NLRP7: variants seen among roughly 807,000 people sequenced by gnomAD.
NLRP7 encodes the protein NACHT, LRR and PYD domains-containing protein 7.
NLRP7 carries 72 observed loss-of-function variants against 85.5 expected under a neutral mutation model. That is an observed-to-expected ratio of 0.84 (90% CI 0.70 to 1.02). The LOEUF (loss-of-function observed/expected upper bound fraction) is 1.02, where lower values mean the gene tolerates loss of function less well. Among genes scored for constraint, NLRP7 ranks in the 50% least tolerant of loss-of-function variants. The probability of loss-of-function intolerance (pLI) is 0.00; values close to 1 mark genes in which losing one functional copy is unlikely to be tolerated. For synonymous variants in NLRP7, 550 were observed against 505.2 expected (o/e 1.09, Z -1.19); for missense variants, 1,243 against 1,219.5 (o/e 1.02, Z -0.29).
chr19:54,928,414 AC>A (rs1396193880), intron 9 of NLRP7, among the ~76,000 whole-genome samples: 1 of 152,154 alleles, frequency 6.6e-6, no homozygotes, highest in East Asian at 1.9e-4. Context: ...AAACAAAAAA[AC>A]AAGCAGCATA....
At chr19:54,948,782 G>A (rs2069577921), upstream of NLRP7, 2 of 152,168 alleles carry the variant, frequency 1.3e-5, no homozygotes, top group African/African-American at 4.8e-5. Flanking sequence ...TATTGGTCAG[G>A]CTGGTCTCAA....
At chr19:54,962,056 A>G (rs1387348538) in intron 1 of NLRP7, among the ~76,000 whole-genome samples, 5 of 149,510 alleles carry the variant, frequency 3.3e-5, no homozygotes, top group Non-Finnish European at 5.9e-5. Flanking sequence ...CCAGCTACAC[A>G]GGAGTCTGAG....
intron 1 of NLRP7, among the ~76,000 whole-genome samples, chr19:54,957,712 T>G (rs1482677544): frequency 6.6e-6 from 1 of 152,138 alleles, no homozygotes; most frequent in Non-Finnish European, 1.5e-5. Context: ...TCCTCCAGTC[T>G]CACATTTTTG....
intron 1 of NLRP7, among the ~76,000 whole-genome samples, chr19:54,943,103 C>G (rs985479607): frequency 6.6e-6 from 1 of 151,328 alleles, no homozygotes; most frequent in East Asian, 2.0e-4. Flanking sequence ...GCTGAGATAG[C>G]GCCATTGTAC....
At chr19:54,923,901 C>G in intron 9 of NLRP7, 29 bp from the exon 11 acceptor site, 1 of 1,578,750 alleles carries the variant, frequency 6.3e-7, no homozygotes, top group Non-Finnish European at 8.6e-7. Flanking sequence ...ACAAATGTTC[C>G]CAGAAATTCA....
At position 54,927,798 on chromosome 19, in the gene NLRP7, T is replaced by C. The variant is rs269933; in HGVS notation, c.2810+2701A>G. ...AGGCTGTTGAGGAAGAACATGGAAA[T>C]CCACGCATTCACTGAGCAGGTAGTG... is the stretch of plus-strand genomic sequence containing the variant. On this transcript the variant is annotated intron_variant, in intron 9 of 9. Coordinates refer to ENST00000340844, the Ensembl canonical transcript of NLRP7. The C allele has an allele frequency of 0.56, 899,860 of 1,605,672 alleles. 254,459 individuals carry two copies. The highest frequency in any genetic ancestry group is 0.72 in the East Asian group (32,200 of 44,822).
intron 5 of NLRP7, among the ~76,000 whole-genome samples, chr19:54,937,366 TG>T (rs2068978469): frequency 6.6e-6 from 1 of 151,766 alleles, no homozygotes; most frequent in Non-Finnish European, 1.5e-5. Flanking sequence ...ACCTACTTTT[TG>T]GTTTGTTTTG....
At chr19:54,938,272 A>C (rs370116820) in intron 4 of NLRP7, 31 bp from the exon 5 acceptor site, 4 of 1,582,640 alleles carry the variant, frequency 2.5e-6, no homozygotes, top group Non-Finnish European at 3.5e-6. Flanking sequence ...ATCTCTTAGG[A>C]CTAGTACCTG....
chr19:54,939,155 G>C, exon 4 of NLRP7: 1 of 1,614,242 alleles, frequency 6.2e-7, no homozygotes, highest in Middle Eastern at 1.6e-4. Context: ...ATGAAGATGT[G>C]CTTTGCATTG....
chr19:54,928,800 C>A (rs1237011804), intron 9 of NLRP7, among the ~76,000 whole-genome samples: 1 of 110,658 alleles, frequency 9.0e-6, no homozygotes, highest in Non-Finnish European at 2.0e-5. Flanking sequence ...ACTGTAGAAG[C>A]CTTTGGTTTT....
chr19:54,950,966 T>C (rs2069649165), upstream of NLRP7, among the ~76,000 whole-genome samples: 1 of 152,334 alleles, frequency 6.6e-6, no homozygotes, highest in South Asian at 2.1e-4. Flanking sequence ...GCAGTGTTTG[T>C]GTCCCTGGGT....
upstream of NLRP7, among the ~76,000 whole-genome samples, chr19:54,950,099 C>CAA (rs1165224711): frequency 7.8e-6 from 1 of 128,838 alleles, no homozygotes; most frequent in Non-Finnish European, 1.7e-5. Context: ...TAGACTGTCT[C>CAA]AAAAAAAAAA....
intron 9 of NLRP7, 38 bp from the exon 11 acceptor site, chr19:54,923,910 C>A (rs2068325170): frequency 6.2e-7 from 1 of 1,608,046 alleles, no homozygotes; most frequent in Admixed American, 1.7e-5. Flanking sequence ...CCCAGAAATT[C>A]ATTCTCAACT....
intron 9 of NLRP7, among the ~76,000 whole-genome samples, chr19:54,927,123 T>C (rs1475867101): frequency 1.4e-5 from 2 of 148,118 alleles, no homozygotes; most frequent in African/African-American, 5.0e-5. Context: ...GTGCAATGGC[T>C]CACCTCTGTA....
Position 54,964,694 on chromosome 19 carries a change from C to T in NLRP7, c.-77+1346G>A, listed in dbSNP as rs1307422290. Among the ~76,000 whole-genome samples the T allele has an allele frequency of 2.1e-5, 3 of 146,226 alleles. No individual in the cohort carries two copies. The East Asian group carries it at 6.4e-4, about 31-fold the overall frequency. ...TACAAAAATTAACCAGGCGTTGTGGCGCATGCTTGTAATCTCAGCTACTCG... is the reference window on the plus strand; with the variant it reads ...TACAAAAATTAACCAGGCGTTGTGGTGCATGCTTGTAATCTCAGCTACTCG... On this transcript the variant is annotated intron_variant, in intron 1 of 2. Transcript: ENST00000587103.
chr19:54,934,706 A>T lies in NLRP7; in HGVS notation c.2301-47T>A. 6.8e-7 allele frequency: 1 copy of T among 1,478,438 alleles called. No homozygotes were observed. Among genetic ancestry groups the T allele is most frequent in the Non-Finnish European group, 9.2e-7 (1 of 1,092,502 alleles). 91.6% of individuals were successfully genotyped at this position (1,478,438 alleles called of 1,614,324 possible). ...TCATTCTTCTGGGAGGACAGAGTAT[A>T]CCCTATCAGCTTTTTTTTTTTGAGA... On this transcript the variant is annotated intron_variant, in intron 6 of 9. Transcript: ENST00000340844. This position sits in a 1 kb window ranked among gnomAD's most constrained non-coding sequence, Gnocchi z 6.7.
chr19:54,941,402 A>AAAAAAAAC, intron 2 of NLRP7, 33 bp downstream of exon 2: 1 of 1,377,418 alleles, frequency 7.3e-7, no homozygotes, highest in Middle Eastern at 1.8e-4. Context: ...AAAAAAAAAA[A>AAAAAAAAC]AAAATGACCA....
At chr19:54,953,998 C>T (rs2069764328) in intron 1 of NLRP7, among the ~76,000 whole-genome samples, 1 of 151,026 alleles carries the variant, frequency 6.6e-6, no homozygotes, top group South Asian at 2.1e-4. Context: ...CAGAGCGAGA[C>T]TCCGTCTCAA....
At chr19:54,933,357 G>C (rs2068757528) in intron 8 of NLRP7, among the ~76,000 whole-genome samples, 1 of 152,144 alleles carries the variant, frequency 6.6e-6, no homozygotes, top group Admixed American at 6.6e-5. Flanking sequence ...ATGTTAACCA[G>C]GATGGTCTCC....
Sources: gnomAD v4.1 joint callset for allele counts (sites outside exome capture counted in the v4.1 genomes callset) on GRCh38, gnomAD v4.1.1 for gene constraint, Gnocchi (gnomAD v3.1) non-coding constraint, MANE v1.5 for transcripts, NCBI Gene and HGNC (gene_info 2026-07-23, HGNC 2026-07-21) for gene names.